Variants in KANK1 observed in about 807,000 individuals in gnomAD.
KANK1 encodes the protein KN motif and ankyrin repeat domains 1.
Under a neutral mutation model 106.2 loss-of-function variants are expected in KANK1, and 109 were observed. The ratio of observed to expected loss-of-function variants is 1.03; its 90% CI spans 0.88 to 1.20. KANK1 has a LOEUF of 1.20. KANK1 is among the 50% of genes most tolerant of loss of function. The probability of loss-of-function intolerance (pLI) is 0.00; values close to 1 mark genes in which losing one functional copy is unlikely to be tolerated. For missense variants in KANK1, 2,399 were observed against 1,710.7 expected, an observed-to-expected ratio of 1.40 and a Z score of -7.10; for synonymous variants, 873 against 652.2, an observed-to-expected ratio of 1.34 and a Z score of -5.16.
At chr9:529,128 T>C (rs2059938741) in intron 1 of KANK1, among the ~76,000 whole-genome samples, 5 of 151,424 alleles carry the variant, frequency 3.3e-5, no homozygotes, top group African/African-American at 1.2e-4. Flanking sequence ...ATGTAAAAGG[T>C]GTATAGTGAA....
intron 1 of KANK1, among the ~76,000 whole-genome samples, chr9:572,346 C>T (rs554829393): frequency 3.3e-5 from 5 of 151,654 alleles, no homozygotes; most frequent in African/African-American, 1.2e-4. Context: ...GTCAAGAGAT[C>T]GAGACCATCC....
intron 2 of KANK1, among the ~76,000 whole-genome samples, chr9:702,403 C>A (rs1202054594): frequency 6.6e-6 from 1 of 152,112 alleles, no homozygotes; most frequent in East Asian, 1.9e-4. Flanking sequence ...GACTGTGAGC[C>A]TTGTGAGAAC....
intron 1 of KANK1, among the ~76,000 whole-genome samples, chr9:625,151 T>C (rs1563882823): frequency 6.6e-6 from 1 of 152,194 alleles, no homozygotes. Flanking sequence ...TGGCAGCGAA[T>C]TCCTGCAGAT....
chr9:733,444 C>T (rs1306428477), intron 6 of KANK1: 1 of 152,174 alleles, frequency 6.6e-6, no homozygotes, highest in Non-Finnish European at 1.5e-5. Context: ...TACCATATGT[C>T]ATTTTTTTAC....
chr9:671,623 A>AAAAAG (rs1815137043), intron 1 of KANK1, among the ~76,000 whole-genome samples: 2 of 103,626 alleles, frequency 1.9e-5, no homozygotes, highest in South Asian at 5.9e-4. Flanking sequence ...CTCAAAAAAA[A>AAAAAG]AAAAGAGTGT....
At chr9:743,182 C>T (rs1271139784) in intron 10 of KANK1, among the ~76,000 whole-genome samples, 2 of 152,180 alleles carry the variant, frequency 1.3e-5, no homozygotes, top group African/African-American at 2.4e-5. Context: ...CTCTGTGGAT[C>T]ACAGGTTTGG....
chr9:535,787 C>A (rs1303665813), intron 1 of KANK1, among the ~76,000 whole-genome samples: 1 of 152,192 alleles, frequency 6.6e-6, no homozygotes, highest in Non-Finnish European at 1.5e-5. Flanking sequence ...TATGTTCTCT[C>A]TACCATGCTC....
chr9:573,495 C>T (rs1383080372), intron 1 of KANK1, among the ~76,000 whole-genome samples: 1 of 152,104 alleles, frequency 6.6e-6, no homozygotes, highest in East Asian at 1.9e-4. Context: ...TGGTCTCGAT[C>T]TCTTGACCTC....
Position 587,887 on chromosome 9 carries a change from G to A in KANK1, c.-84+83133G>A, listed in dbSNP as rs1202809160. ...TTGAGACCAGCCTGGCCAACATGGC[G>A]AAACCCCGTCTCTAATAAAAATACA... On this transcript the variant is annotated intron_variant, in intron 1 of 11. Coordinates refer to ENST00000382297, the MANE Select transcript of KANK1 (RefSeq NM_015158.5). 3.3e-5 allele frequency among the ~76,000 whole-genome samples: 5 copies of A among 152,224 alleles called. No homozygotes were observed. In the East Asian group the frequency reaches 5.8e-4, roughly 18 times the overall value.
chr9:709,816 C>T (rs1048694946), intron 2 of KANK1, among the ~76,000 whole-genome samples: 4 of 152,016 alleles, frequency 2.6e-5, no homozygotes, highest in African/African-American at 7.2e-5. Flanking sequence ...GGTTTTACCA[C>T]GTGTTGGCCA....
At chr9:495,096 A>G (rs2058437095) in intron 3 of KANK1, 2 of 152,232 alleles carry the variant, frequency 1.3e-5, no homozygotes, top group South Asian at 2.1e-4. Flanking sequence ...AAATACAGGA[A>G]TGACAGCTGA....
chr9:692,100 A>AAG (rs1461851922), intron 2 of KANK1, among the ~76,000 whole-genome samples: 1 of 69,486 alleles, frequency 1.4e-5, no homozygotes, highest in South Asian at 6.1e-4. Flanking sequence ...TAAAATTCAA[A>AAG]ACGGGACAGC....
intron 3 of KANK1, among the ~76,000 whole-genome samples, chr9:715,566 C>T (rs149906398): frequency 3.3e-5 from 5 of 152,308 alleles, no homozygotes; most frequent in Non-Finnish European, 5.9e-5. Context: ...GGTCTATTTC[C>T]AGTCACACTG....
At chr9:654,894 G>C (rs1563933030) in intron 1 of KANK1, among the ~76,000 whole-genome samples, 1 of 151,928 alleles carries the variant, frequency 6.6e-6, no homozygotes, top group Non-Finnish European at 1.5e-5. Flanking sequence ...CCAAGTTCAA[G>C]TTCCCTAGTG....
chr9:653,058 CAT>C (rs1450878616), intron 1 of KANK1, among the ~76,000 whole-genome samples: 1 of 152,154 alleles, frequency 6.6e-6, no homozygotes, highest in Admixed American at 6.5e-5. Flanking sequence ...CCTGCTGACT[CAT>C]ACACAGCATC....
rs537738586 is a variant in KANK1 at position 561,493 on chromosome 9, A to G, written c.-84+56739A>G. On this transcript the variant is annotated intron_variant, in intron 1 of 11. Transcript: ENST00000382297. Reference sequence around the variant, plus strand: ...CAACTCTACAATGAAGATATCTCAAATACACTCATCACTGTGCATTTGTTG... The same window carrying G: ...CAACTCTACAATGAAGATATCTCAAGTACACTCATCACTGTGCATTTGTTG... 3.9e-5 allele frequency among the ~76,000 whole-genome samples: 6 copies of G among 152,342 alleles called. No individual in the cohort carries two copies. In the South Asian group the frequency reaches 1.2e-3, roughly 32 times the overall value.
At chr9:499,899 C>G (rs980604644), upstream of KANK1, among the ~76,000 whole-genome samples, 1 of 152,124 alleles carries the variant, frequency 6.6e-6, no homozygotes, top group Non-Finnish European at 1.5e-5. Flanking sequence ...GAAAATGTGA[C>G]AAGGAAAAGG....
At position 711,805 on chromosome 9, in the gene KANK1, A is replaced by G. The variant is rs1171621291; in HGVS notation, c.1039A>G (p.Ile347Val). 5 of 1,614,094 alleles carry G rather than the reference A, an allele frequency of 3.1e-6. No individual in the cohort carries two copies. Among genetic ancestry groups the G allele is most frequent in the Admixed American group, 3.3e-5 (2 of 60,024 alleles). Residue 347 changes from isoleucine (I) to valine (V), a missense_variant, in exon 3 of 12, where the codon ATT (isoleucine) becomes GTT (valine). By Grantham distance (29) the Ile-to-Val change is conservative (BLOSUM62 3). Coordinates refer to ENST00000382297, the MANE Select transcript of KANK1 (RefSeq NM_015158.5). Reference sequence around the variant, plus strand: ...CCGAAGAAGTGGCGGGGAATTATACATTGACTATGAGGAGGAAGAAATGGA... The same window carrying G: ...CCGAAGAAGTGGCGGGGAATTATACGTTGACTATGAGGAGGAAGAAATGGA... ...RARRSGGELY[I>V]DYEEEEMETV...
chr9:585,357 A>G (rs575338227), intron 1 of KANK1, among the ~76,000 whole-genome samples: 44 of 152,342 alleles, frequency 2.9e-4, no homozygotes, highest in Middle Eastern at 6.8e-3. Flanking sequence ...GACATTGGAC[A>G]TACTTAGAAT....
Sources: allele counts gnomAD v4.1 joint callset (sites outside exome capture counted in the v4.1 genomes callset), GRCh38; gene constraint gnomAD v4.1.1; transcripts MANE v1.5; gene names NCBI Gene and HGNC (gene_info 2026-07-23, HGNC 2026-07-21).